ANKLE1: variants seen among roughly 807,000 people sequenced by gnomAD.
ANKLE1 encodes ankyrin repeat and LEM domain containing 1, also known as structure-specific endonuclease ANKLE1.
Under a neutral mutation model 56.2 loss-of-function variants are expected in ANKLE1, and 59 were observed. The ratio of observed to expected loss-of-function variants is 1.05; its 90% CI spans 0.85 to 1.30. The LOEUF (loss-of-function observed/expected upper bound fraction) is 1.30, where lower values mean the gene tolerates loss of function less well. Ranked by LOEUF, ANKLE1 falls within the 50% of genes most tolerant of loss-of-function variation. The pLI, the probability that ANKLE1 is intolerant of heterozygous loss-of-function variation, is 0.00. For synonymous variants in ANKLE1, 341 were observed against 352.9 expected, an observed-to-expected ratio of 0.97 and a Z score of 0.38; for missense variants, 771 against 816.1, an observed-to-expected ratio of 0.94 and a Z score of 0.67.
rs1440310066 is a variant in ANKLE1 at position 17,285,899 on chromosome 19, G to A, written c.1675+80G>A. ...TTCCCTCATTTTTTTCCTTCTGAGGGGTGTTCATTTGTTGACTGAGCAATT... is the reference window on the plus strand; with the variant it reads ...TTCCCTCATTTTTTTCCTTCTGAGGAGTGTTCATTTGTTGACTGAGCAATT... On this transcript the variant is annotated intron_variant, in intron 8 of 8. Transcript: ENST00000404085. 2.6e-6 allele frequency: 4 copies of A among 1,563,594 alleles called. No homozygotes were observed. The Admixed American group carries it at 7.3e-5, about 29-fold the overall frequency.
rs774727519 is a variant in ANKLE1 at position 17,286,666 on chromosome 19, GTGTGTGTGTGTGTGTGTGTGTGTGTT to G, written c.*136_*161del. On this transcript the variant is annotated 3_prime_UTR_variant, in exon 9 of 9. Coordinates refer to ENST00000404085, the MANE Select transcript of ANKLE1 (RefSeq NM_152363.6). ...AGAAGGGGTGTGTGTGTGTGTGTGT[GTGTGTGTGTGTGTGTGTGTGTGTGTT>G]TGTGTGTGTGTGTGTGTGTGTAGGG... is the stretch of plus-strand genomic sequence containing the variant. The G allele has an allele frequency of 4.3e-5, 36 of 843,376 alleles. 1 individual carries two copies. In the Middle Eastern group the frequency reaches 8.3e-4, roughly 19 times the overall value. 52.2% of individuals were successfully genotyped at this position (843,376 alleles called of 1,614,324 possible). A position where few individuals can be genotyped will look rare whatever the true frequency, so the allele number is the denominator to read the frequency against.
chr19:17,286,691 TTTG>T lies in ANKLE1; in HGVS notation c.*141_*143del. ...GTGTGTGTGTGTGTGTGTGTGTGTG[TTTG>T]TGTGTGTGTGTGTGTGTGTAGGGAG... is the stretch of plus-strand genomic sequence containing the variant. On this transcript the variant is annotated 3_prime_UTR_variant, in exon 9 of 9. Coordinates refer to ENST00000404085, the MANE Select transcript of ANKLE1 (RefSeq NM_152363.6). 39 of 348,426 alleles carry T rather than the reference TTTG, an allele frequency of 1.1e-4. No homozygotes were observed. The highest frequency in any genetic ancestry group is 5.5e-4 in the Admixed American group (7 of 12,764). The allele number at this position is 348,426 out of a possible 1,614,324, so 21.6% of individuals were successfully genotyped here. A position where few individuals can be genotyped will look rare whatever the true frequency, so the allele number is the denominator to read the frequency against.
At position 17,282,993 on chromosome 19, in the gene ANKLE1, G is replaced by A. The variant is rs750084958; in HGVS notation, c.451G>A (p.Ala151Thr). The stretch of plus-strand genomic sequence containing the variant: ...GGCAGAGACTCAGGAGCCCGAGCCT[G>A]CACCTGGCAGTGAGTAGGGCCTGCA... ...IGAETQEPEPAPGTPGLSGPT... is the reference protein window; with the variant it reads ...IGAETQEPEPTPGTPGLSGPT... The change falls in exon 4 of 9, where the codon GCA becomes ACA. Residue 151 changes from alanine (A) to threonine (T), a missense_variant. Transcript: ENST00000404085. The A allele has an allele frequency of 3.0e-5, 47 of 1,561,238 alleles. No homozygotes were observed. In the Middle Eastern group the frequency reaches 8.3e-4, roughly 28 times the overall value.
At position 17,284,193 on chromosome 19, in the gene ANKLE1, C is replaced by T. The variant is rs560635345; in HGVS notation, c.1303C>T (p.Gln435Ter). Reference sequence around the variant, plus strand: ...AGACGCGCTGGCCCAGCAGTTTGAGCAGCCAGATCCTGCCAGGAGGTGGCG... The same window carrying T: ...AGACGCGCTGGCCCAGCAGTTTGAGTAGCCAGATCCTGCCAGGAGGTGGCG... The part of the protein sequence containing the change: ...DEDALAQQFE[Q>*]PDPARRWREG... Residue 435 changes from glutamine (Q) to a stop codon, truncating the protein, a stop_gained, in exon 6 of 9, where the codon CAG (glutamine) becomes TAG (stop). Coordinates refer to ENST00000404085, the MANE Select transcript of ANKLE1 (RefSeq NM_152363.6). LOFTEE classifies it high-confidence loss of function. 45 of 1,613,794 alleles carry T rather than the reference C, an allele frequency of 2.8e-5. No homozygotes were observed. Among genetic ancestry groups the T allele is most frequent in the Non-Finnish European group, 3.5e-5 (41 of 1,179,864 alleles).
chr19:17,285,259 CA>C (rs11355867), intron 6 of ANKLE1, among the ~76,000 whole-genome samples, 171 bp from the exon 7 acceptor site: 107,651 of 140,860 alleles, frequency 0.76, 41,135 homozygotes, highest in Non-Finnish European at 0.8. Context: ...AACTCTGTCT[CA>C]AAAAAAAAAA....
intron 2 of ANKLE1, 45 bp from the exon 3 acceptor site, chr19:17,282,611 C>G (rs967223707): frequency 2.4e-5 from 37 of 1,512,112 alleles, no homozygotes; most frequent in Non-Finnish European, 3.3e-5. Context: ...GGGTTCCTGC[C>G]GGGAGGCTGA....
rs1423484933 is a variant in ANKLE1, at chr19:17,286,699, TGTGTGTGTGTGTGTAGGG to T, written c.*148_*165del. 1.4e-6 allele frequency: 2 copies of T among 1,443,938 alleles called. No individual in the cohort carries two copies. Among genetic ancestry groups the T allele is most frequent in the South Asian group, 1.4e-5 (1 of 71,594 alleles). 89.4% of individuals were successfully genotyped at this position (1,443,938 alleles called of 1,614,324 possible). ...GTGTGTGTGTGTGTGTGTTTGTGTG[TGTGTGTGTGTGTGTAGGG>T]AGCACCCAGGCAGATCTCCCCCAGG... On this transcript the variant is annotated 3_prime_UTR_variant, in exon 9 of 9. Transcript: ENST00000404085.
At position 17,286,525 on chromosome 19, in the gene ANKLE1, TC is replaced by T. The variant is rs749869813; in HGVS notation, c.1825del (p.Gln609ArgfsTer62). The T allele has an allele frequency of 4.3e-6, 7 of 1,610,222 alleles. No homozygotes were observed. In the African/African-American group the frequency reaches 8.0e-5, roughly 18 times the overall value. The part of the protein sequence containing the change: ...FLAEGERQLH[P>X]QDIQARG ...TGGCTGAAGGCGAGCGACAGCTTCA[TC>T]CCCAGGACATCCAGGCCCGGGGCTG... On this transcript the variant is annotated frameshift_variant, in exon 9 of 9. Transcript: ENST00000404085. LOFTEE classifies it high-confidence loss of function.
intron 6 of ANKLE1, among the ~76,000 whole-genome samples, chr19:17,284,703 T>TTTTTTG (rs2074013481): frequency 2.7e-5 from 4 of 147,956 alleles, no homozygotes; most frequent in Admixed American, 6.8e-5. Flanking sequence ...TTTTTTTTTT[T>TTTTTTG]GAGGCGGAGT....
At position 17,283,329 on chromosome 19, in the gene ANKLE1, G is replaced by A. The variant is rs201377560; in HGVS notation, c.565G>A (p.Gly189Arg). 5.7e-5 allele frequency: 92 copies of A among 1,613,406 alleles called. No homozygotes were observed. The highest frequency in any genetic ancestry group is 4.3e-4 in the Admixed American group (26 of 60,002). The stretch of plus-strand genomic sequence containing the variant: ...GGACATTGGCTTGGAGGCTGACCCA[G>A]GACCCCCCAGCCTCCCTGTTCCCCT... The part of the protein sequence containing the change: ...NRDIGLEADP[G>R]PPSLPVPLET... The change falls in exon 5 of 9, where the codon GGA (glycine) becomes AGA (arginine). Residue 189 changes from glycine (G) to arginine (R), a missense_variant. Transcript: ENST00000404085.
intron 2 of ANKLE1, 193 bp downstream of exon 2, chr19:17,282,402 C>A (rs917577870): frequency 7.4e-6 from 7 of 940,248 alleles, no homozygotes; most frequent in Non-Finnish European, 1.1e-5. Flanking sequence ...AGACCGAGGG[C>A]GTGGAATGGG....
chr19:17,286,418 T>C lies in ANKLE1; in HGVS notation c.1714T>C (p.Tyr572His). Residue 572 changes from tyrosine (Y) to histidine (H), a missense_variant, in exon 9 of 9, where the codon TAT becomes CAT. Coordinates refer to ENST00000404085, the MANE Select transcript of ANKLE1 (RefSeq NM_152363.6). ...TLTNQKQGHC[Y>H]GVVAGWPPAR... is the part of the protein sequence containing the mutation. ...CACCAACCAGAAGCAAGGGCACTGC[T>C]ATGGAGTGGTGGCAGGCTGGCCACC... The C allele has an allele frequency of 6.2e-7, 1 of 1,608,646 alleles. No individual in the cohort carries two copies.
Position 17,286,515 on chromosome 19 carries a change from G to A in ANKLE1, c.1811G>A (p.Arg604Gln), listed in dbSNP as rs749317222. 87 of 1,611,068 alleles carry A rather than the reference G, an allele frequency of 5.4e-5. No homozygotes were observed. The East Asian group carries it at 1.5e-3, about 28-fold the overall frequency. Reference sequence around the variant, plus strand: ...CTTGTCTTCCTGGCTGAAGGCGAGCGACAGCTTCATCCCCAGGACATCCAG... The same window carrying A: ...CTTGTCTTCCTGGCTGAAGGCGAGCAACAGCTTCATCCCCAGGACATCCAG... ...ALLVFLAEGE[R>Q]QLHPQDIQAR... The change falls in exon 9 of 9, where the codon CGA becomes CAA. Residue 604 changes from arginine (R) to glutamine (Q), a missense_variant. Physicochemically the swap from Arg to Gln is conservative, Grantham distance 43. Transcript: ENST00000404085.
Position 17,282,756 on chromosome 19 carries a change from G to T in ANKLE1, c.316G>T (p.Asp106Tyr). The T allele has an allele frequency of 6.5e-7, 1 of 1,548,332 alleles. No individual in the cohort carries two copies. The highest frequency in any genetic ancestry group is 1.7e-4 in the Middle Eastern group (1 of 5,882). Residue 106 changes from aspartate (D) to tyrosine (Y), a missense_variant, in exon 3 of 9, where the codon GAC becomes TAC. By Grantham distance (160) the Asp-to-Tyr change is radical (BLOSUM62 -3). Coordinates refer to ENST00000404085, the MANE Select transcript of ANKLE1 (RefSeq NM_152363.6). ...LSQGADPALR[D>Y]QDGLRPLDLA... ...CCAAGGAGCGGACCCGGCGCTGCGC[G>T]ACCAGGTTGGGAGGCACTGCGCGGG...
intron 6 of ANKLE1, 24 bp from the exon 7 acceptor site, chr19:17,285,407 G>A: frequency 1.2e-6 from 2 of 1,612,762 alleles, no homozygotes; most frequent in Non-Finnish European, 1.7e-6. Context: ...ACTTTTCCCT[G>A]TCTGAGCTAT....
chr19:17,283,073 C>G, intron 4 of ANKLE1, 71 bp downstream of exon 4: 1 of 1,535,966 alleles, frequency 6.5e-7, no homozygotes, highest in Non-Finnish European at 8.7e-7. Flanking sequence ...GTCTTCCCCA[C>G]CCCACCCATT....
chr19:17,282,749 G>GCTGCGCGACCAGGTTGGGAGGCA lies in ANKLE1; in HGVS notation c.317_321+18dup. 6.5e-7 allele frequency: 1 copy of GCTGCGCGACCAGGTTGGGAGGCA among 1,545,364 alleles called. No homozygotes were observed. Among genetic ancestry groups the GCTGCGCGACCAGGTTGGGAGGCA allele is most frequent in the Non-Finnish European group, 8.7e-7 (1 of 1,152,234 alleles). On this transcript the variant is annotated frameshift_variant, in exon 3 of 9. Transcript: ENST00000404085. LOFTEE classifies it high-confidence loss of function. The stretch of plus-strand genomic sequence containing the variant: ...TGCTGAGCCAAGGAGCGGACCCGGC[G>GCTGCGCGACCAGGTTGGGAGGCA]CTGCGCGACCAGGTTGGGAGGCACT...
Position 17,282,005 on chromosome 19 carries a change from GCC to G in ANKLE1, c.62+24_62+25del. 4 of 1,535,334 alleles carry G rather than the reference GCC, an allele frequency of 2.6e-6. No homozygotes were observed. In the South Asian group the frequency reaches 4.8e-5, roughly 18 times the overall value. On this transcript the variant is annotated intron_variant, in intron 1 of 8. Coordinates refer to ENST00000404085, the MANE Select transcript of ANKLE1 (RefSeq NM_152363.6). ...GTGGTGAGGGCGGGGCCGGGGGCGGGCCAGGAGTGGGGGTCTTTGGCCGGGGT... is the reference window on the plus strand; with the variant it reads ...GTGGTGAGGGCGGGGCCGGGGGCGGGAGGAGTGGGGGTCTTTGGCCGGGGT...
chr19:17,286,861 T>G lies in ANKLE1; in HGVS notation c.*309T>G. Reference sequence around the variant, plus strand: ...GTGCTTTGGAACAGTCCGGTGCTTCTGTAAGAGGCGTTTGAACCTGGGCAA... The same window carrying G: ...GTGCTTTGGAACAGTCCGGTGCTTCGGTAAGAGGCGTTTGAACCTGGGCAA... On this transcript the variant is annotated 3_prime_UTR_variant, in exon 9 of 9. Coordinates refer to ENST00000404085, the MANE Select transcript of ANKLE1 (RefSeq NM_152363.6). 8.7e-7 allele frequency: 1 copy of G among 1,154,344 alleles called. No individual in the cohort carries two copies. The highest frequency in any genetic ancestry group is 1.1e-6 in the Non-Finnish European group (1 of 926,298). The allele number at this position is 1,154,344 out of a possible 1,614,324, so 71.5% of individuals were successfully genotyped here.
Sources: gnomAD v4.1 joint callset for allele counts (sites outside exome capture counted in the v4.1 genomes callset) on GRCh38, gnomAD v4.1.1 for gene constraint, MANE v1.5 for transcripts, NCBI Gene and HGNC (gene_info 2026-07-23, HGNC 2026-07-21) for gene names.